Variants in CTPS2 observed in about 807,000 individuals in gnomAD.
The protein encoded by CTPS2 is CTP synthase 2.
Under a neutral mutation model 46.8 loss-of-function variants are expected in CTPS2, and 19 were observed. The observed-to-expected ratio is 0.41, with a 90% CI of 0.28 to 0.60. The LOEUF (loss-of-function observed/expected upper bound fraction) is 0.60, where lower values mean the gene tolerates loss of function less well. Among genes scored for constraint, CTPS2 ranks in the 20% least tolerant of loss-of-function variants. The pLI is 0.35. For synonymous variants in CTPS2, 151 were observed against 165.2 expected (o/e 0.91, Z 0.66); for missense variants, 286 against 447.6 (o/e 0.64, Z 3.26).
chrX:16,681,011 C>G (rs1922702154), intron 9 of CTPS2, among the ~76,000 whole-genome samples: 1 of 111,725 alleles, frequency 9.0e-6, no homozygotes, highest in African/African-American at 3.3e-5. Flanking sequence ...CATGAAGAAA[C>G]TCCATCTCTA....
Position 16,656,284 on chromosome X carries a change from A to G in CTPS2, c.1296+11230T>C, listed in dbSNP as rs188412214. ...CCCTCCCCATCAAAAACCCAATTGT[A>G]CATGATATGCCTTTGAACAATGTTC... On this transcript the variant is annotated intron_variant, in intron 13 of 18. Transcript: ENST00000359276. Among the ~76,000 whole-genome samples the G allele has an allele frequency of 2.7e-5, 3 of 112,087 alleles. No individual in the cohort carries two copies. In the East Asian group the frequency reaches 8.4e-4, roughly 31 times the overall value.
chrX:16,687,874 A>G (rs1338310747), intron 8 of CTPS2, among the ~76,000 whole-genome samples: 1 of 111,604 alleles, frequency 9.0e-6, no homozygotes, highest in Non-Finnish European at 1.9e-5. Context: ...ACGTGACTCA[A>G]TGTTAAGTCT....
chrX:16,597,511 C>T (rs1484311161), intron 17 of CTPS2, among the ~76,000 whole-genome samples: 1 of 111,327 alleles, frequency 9.0e-6, no homozygotes, highest in Non-Finnish European at 1.9e-5. Context: ...TGCAGATATG[C>T]GGTGTTATTT....
chrX:16,708,658 T>C (rs1178162967), intron 1 of CTPS2, among the ~76,000 whole-genome samples: 1 of 111,458 alleles, frequency 9.0e-6, no homozygotes, highest in Non-Finnish European at 1.9e-5. Context: ...TATGTTCCAC[T>C]GGACTTCACC....
intron 11 of CTPS2, among the ~76,000 whole-genome samples, chrX:16,669,096 G>A (rs182059210): frequency 6.3e-5 from 7 of 111,006 alleles, no homozygotes; most frequent in Admixed American, 5.8e-4. Context: ...AAGCAGCAGT[G>A]GGGGGTGGGG....
chrX:16,678,165 T>G (rs1238819419), intron 10 of CTPS2, among the ~76,000 whole-genome samples, 197 bp downstream of exon 10: 1 of 112,282 alleles, frequency 8.9e-6, no homozygotes, highest in Non-Finnish European at 1.9e-5. Context: ...ACCATTTCTA[T>G]GCACATGCCA....
At chrX:16,624,492 T>C (rs1257145167) in intron 14 of CTPS2, among the ~76,000 whole-genome samples, 11 of 111,408 alleles carry the variant, frequency 9.9e-5, no homozygotes, top group Non-Finnish European at 1.9e-4. Flanking sequence ...GCCACGTGGG[T>C]TTTAAAAATG....
intron 14 of CTPS2, among the ~76,000 whole-genome samples, chrX:16,626,138 T>C (rs1931132239): frequency 1.8e-5 from 2 of 111,075 alleles, no homozygotes; most frequent in African/African-American, 6.6e-5. Flanking sequence ...TCCCAGCACT[T>C]TGGGAGACCA....
At chrX:16,637,844 C>A (rs970087506) in intron 14 of CTPS2, among the ~76,000 whole-genome samples, 1 of 112,100 alleles carries the variant, frequency 8.9e-6, no homozygotes, top group African/African-American at 3.2e-5. Flanking sequence ...GAAGCCTTTC[C>A]TTTTTTAATT....
chrX:16,600,030 C>T (rs1245284331), intron 17 of CTPS2, among the ~76,000 whole-genome samples: 2 of 112,286 alleles, frequency 1.8e-5, no homozygotes, highest in Non-Finnish European at 3.8e-5. Flanking sequence ...CCGCCCGCCT[C>T]GGCTTCCCAA....
intron 16 of CTPS2, among the ~76,000 whole-genome samples, chrX:16,613,747 T>C (rs1383918019): frequency 2.7e-5 from 3 of 110,752 alleles, no homozygotes; most frequent in Non-Finnish European, 5.7e-5. Flanking sequence ...CGAACCACCA[T>C]GCCCAGCTAA....
At chrX:16,644,774 G>A (rs1196235585) in intron 13 of CTPS2, among the ~76,000 whole-genome samples, 3 of 112,468 alleles carry the variant, frequency 2.7e-5, no homozygotes, top group Non-Finnish European at 5.6e-5. Flanking sequence ...GTGGTAATTT[G>A]TTACAACAGC....
intron 13 of CTPS2, among the ~76,000 whole-genome samples, chrX:16,642,603 C>CA (rs1406166868): frequency 9.8e-5 from 11 of 111,753 alleles, no homozygotes; most frequent in African/African-American, 3.3e-4. Flanking sequence ...CCAAGCCTGA[C>CA]ACACCAGCTG....
At chrX:16,679,753 C>T (rs780520772) in intron 9 of CTPS2, among the ~76,000 whole-genome samples, 2 of 111,374 alleles carry the variant, frequency 1.8e-5, no homozygotes, top group South Asian at 7.6e-4. Flanking sequence ...TCACCCCTTC[C>T]GCACATGGGG....
At position 16,590,612 on chromosome X, in the gene CTPS2, T is replaced by C. The variant is rs115907493; in HGVS notation, c.*41+140A>G. 2,820 of 386,142 alleles carry C rather than the reference T, an allele frequency of 7.3e-3. 80 individuals are homozygous for C. The highest frequency in any genetic ancestry group is 0.068 in the African/African-American group (2,615 of 38,563). The allele number at this position is 386,142 out of a possible 1,213,427, so 31.8% of individuals were successfully genotyped here. Reference sequence around the variant, plus strand: ...ACTCTGTCATGGGCTGTCATGCGTGTCCTGCTAACTGTGCCAGTCAAATGG... The same window carrying C: ...ACTCTGTCATGGGCTGTCATGCGTGCCCTGCTAACTGTGCCAGTCAAATGG... On this transcript the variant is annotated intron_variant, in intron 18 of 18. Coordinates refer to ENST00000359276, the MANE Select transcript of CTPS2 (RefSeq NM_175859.3).
intron 1 of CTPS2, among the ~76,000 whole-genome samples, chrX:16,710,145 C>A (rs1156483029): frequency 9.0e-6 from 1 of 111,163 alleles, no homozygotes; most frequent in Non-Finnish European, 1.9e-5. Flanking sequence ...CCTTTCTATA[C>A]AACAGCTGGC....
intron 10 of CTPS2, among the ~76,000 whole-genome samples, chrX:16,672,110 A>T (rs942381012): frequency 9.0e-6 from 1 of 111,365 alleles, no homozygotes; most frequent in African/African-American, 3.3e-5. Flanking sequence ...CTCTCTCAGT[A>T]AAGTCCCTCT....
chrX:16,684,691 G>A (rs1202644487), intron 8 of CTPS2, among the ~76,000 whole-genome samples: 2 of 111,250 alleles, frequency 1.8e-5, no homozygotes, highest in South Asian at 3.7e-4. Context: ...TCACTAAAAG[G>A]TGACTAAAAT....
At chrX:16,639,924 C>G (rs1451435665) in intron 13 of CTPS2, among the ~76,000 whole-genome samples, 1 of 111,292 alleles carries the variant, frequency 9.0e-6, no homozygotes, top group Non-Finnish European at 1.9e-5. Flanking sequence ...CACCCTTGAT[C>G]GCTCCCTCTC....
Sources: gnomAD v4.1 joint callset for allele counts (sites outside exome capture counted in the v4.1 genomes callset) on GRCh38, gnomAD v4.1.1 for gene constraint, MANE v1.5 for transcripts, NCBI Gene and HGNC (gene_info 2026-07-23, HGNC 2026-07-21) for gene names.